KYAT1: variants seen among roughly 807,000 people sequenced by gnomAD.
KYAT1 encodes the protein kynurenine--oxoglutarate transaminase 1.
KYAT1 carries 47 observed loss-of-function variants against 52.4 expected under a neutral mutation model. The ratio of observed to expected loss-of-function variants is 0.90; its 90% CI spans 0.71 to 1.14. KYAT1 has a LOEUF of 1.14. Among genes scored for constraint, KYAT1 ranks in the 50% most tolerant of loss-of-function variants. The pLI is 0.00. For synonymous variants in KYAT1, 212 were observed against 209.6 expected, an observed-to-expected ratio of 1.01 and a Z score of -0.10; for missense variants, 480 against 557.9, an observed-to-expected ratio of 0.86 and a Z score of 1.41.
rs372141213 is a variant in KYAT1 at position 128,838,213 on chromosome 9, C to T, written c.351+5G>A. ...TCCCACTCAGCCCAAGTCTTGCCCA[C>T]TCACCTCGTCTCCTTCGTCCACCAG... is the stretch of plus-strand genomic sequence containing the variant. On this transcript the variant is annotated splice_donor_5th_base_variant and intron_variant, in intron 4 of 12. Transcript: ENST00000302586. 32 of 1,614,112 alleles carry T rather than the reference C, an allele frequency of 2.0e-5. No individual in the cohort carries two copies. Among genetic ancestry groups the T allele is most frequent in the Middle Eastern group, 3.3e-4 (2 of 6,080 alleles).
chr9:128,846,720 G>A (rs1191697094), intron 1 of KYAT1: 3 of 1,534,076 alleles, frequency 2.0e-6, no homozygotes, highest in African/African-American at 1.4e-5. Context: ...GGCTCCTCCT[G>A]TCCTCAGAAT....
chr9:128,840,210 G>T (rs997544508), intron 3 of KYAT1, among the ~76,000 whole-genome samples: 60 of 152,312 alleles, frequency 3.9e-4, no homozygotes, highest in African/African-American at 1.4e-3. Flanking sequence ...GCTAAGGTGG[G>T]AGGATTGCTT....
chr9:128,872,753 G>A (rs1307800821), intron 1 of KYAT1, among the ~76,000 whole-genome samples: 3 of 150,234 alleles, frequency 2.0e-5, no homozygotes, highest in Non-Finnish European at 4.4e-5. Context: ...GGGTGACAGA[G>A]CGAGACTCCG....
At chr9:128,876,253 T>TA (rs112331357) in intron 1 of KYAT1, among the ~76,000 whole-genome samples, 2,232 of 142,502 alleles carry the variant, frequency 0.016, 45 homozygotes, top group African/African-American at 0.053. Flanking sequence ...TCTTTGCTTT[T>TA]AAAAAAAAAA....
At position 128,879,179 on chromosome 9, in the gene KYAT1, G is replaced by C. The variant is rs191880972; in HGVS notation, c.-7+2718C>G. Among the ~76,000 whole-genome samples, 1,121 of 152,242 alleles carry C rather than the reference G, an allele frequency of 7.4e-3. 8 individuals carry two copies. The highest frequency in any genetic ancestry group is 0.019 in the African/African-American group (796 of 41,540). On this transcript the variant is annotated intron_variant, in intron 1 of 12. Transcript: ENST00000302586. Reference sequence around the variant, plus strand: ...CAAAAAATTAGCCAGGCGTGGTGGCGGGTGCCTGTAGTCCCAGCTACTTGG... The same window carrying C: ...CAAAAAATTAGCCAGGCGTGGTGGCCGGTGCCTGTAGTCCCAGCTACTTGG...
rs1239742955 is a variant in KYAT1, at chr9:128,833,498, A to G, written c.*86T>C. 1.0e-5 allele frequency: 14 copies of G among 1,375,820 alleles called. 1 individual carries two copies. In the East Asian group the frequency reaches 1.4e-4, roughly 13 times the overall value. The allele number at this position is 1,375,820 out of a possible 1,614,324, so 85.2% of individuals were successfully genotyped here. Reference sequence around the variant, plus strand: ...CAATAGCATCTTCCCCAACCTAGAAATGTCTGAAACCTGGACAAAGACAGA... The same window carrying G: ...CAATAGCATCTTCCCCAACCTAGAAGTGTCTGAAACCTGGACAAAGACAGA... On this transcript the variant is annotated 3_prime_UTR_variant, in exon 13 of 13. Transcript: ENST00000302586.
In KYAT1 at chr9:128,859,679, C is replaced by T. The variant is rs1481476585; in HGVS notation, c.-6-14268G>A. The stretch of plus-strand genomic sequence containing the variant: ...TTTTTTTTTTTTTGAGACAGAATCT[C>T]GCTCTGTTGCCCAGGCTGGAGCGCA... On this transcript the variant is annotated intron_variant, in intron 1 of 12. Coordinates refer to ENST00000302586, the MANE Select transcript of KYAT1 (RefSeq NM_004059.5). 4.0e-5 allele frequency among the ~76,000 whole-genome samples: 6 copies of T among 150,168 alleles called. No individual in the cohort carries two copies. The South Asian group carries it at 8.6e-4, about 21-fold the overall frequency.
At chr9:128,878,975 C>A (rs1838411118) in intron 1 of KYAT1, among the ~76,000 whole-genome samples, 1 of 152,198 alleles carries the variant, frequency 6.6e-6, no homozygotes. Context: ...AGGCCCCCAG[C>A]TGCAAGCTGG....
At position 128,845,419 on chromosome 9, in the gene KYAT1, C is replaced by T. The variant is rs779318470; in HGVS notation, c.-6-8G>A. The T allele has an allele frequency of 9.9e-6, 16 of 1,613,540 alleles. No homozygotes were observed. Among genetic ancestry groups the T allele is most frequent in the African/African-American group, 4.0e-5 (3 of 75,050 alleles). ...CTGTTTGGCCATGGCGAGCTGGAGA[C>T]GAACAAGTGGAAGGTCAGAGATGGA... On this transcript the variant is annotated splice_region_variant and splice_polypyrimidine_tract_variant and intron_variant, in intron 1 of 12. Transcript: ENST00000302586.
intron 1 of KYAT1, among the ~76,000 whole-genome samples, chr9:128,873,978 G>C (rs1270108584): frequency 6.6e-6 from 1 of 150,602 alleles, no homozygotes; most frequent in Admixed American, 6.6e-5. Context: ...TTCTGAGGCC[G>C]GGCGTGGTGG....
In KYAT1 at chr9:128,833,292, G is replaced by A. The variant is rs970511196; in HGVS notation, c.*292C>T. Reference sequence around the variant, plus strand: ...GGTACATGGTGGAAGTCTACCGTCCGTCTCAGCCAAGCCTGGAGAGACCAG... The same window carrying A: ...GGTACATGGTGGAAGTCTACCGTCCATCTCAGCCAAGCCTGGAGAGACCAG... On this transcript the variant is annotated 3_prime_UTR_variant, in exon 13 of 13. Transcript: ENST00000302586. 1.5e-4 allele frequency: 80 copies of A among 548,176 alleles called. No homozygotes were observed. Among genetic ancestry groups the A allele is most frequent in the Non-Finnish European group, 2.1e-4 (64 of 305,608 alleles). The allele number at this position is 548,176 out of a possible 1,614,324, so 34.0% of individuals were successfully genotyped here.
At chr9:128,861,950 A>G (rs1282602727) in intron 1 of KYAT1, among the ~76,000 whole-genome samples, 1 of 152,108 alleles carries the variant, frequency 6.6e-6, no homozygotes, top group Non-Finnish European at 1.5e-5. Flanking sequence ...ACATCTTGCT[A>G]CTTCTTCTAG....
At chr9:128,834,667 T>C (rs1830683131) in intron 11 of KYAT1, among the ~76,000 whole-genome samples, 1 of 150,330 alleles carries the variant, frequency 6.7e-6, no homozygotes, top group South Asian at 2.1e-4. Context: ...CTACTAAAAA[T>C]ACAAAAATTA....
At chr9:128,864,027 G>T (rs1165975615) in intron 1 of KYAT1, among the ~76,000 whole-genome samples, 1 of 151,694 alleles carries the variant, frequency 6.6e-6, no homozygotes, top group Non-Finnish European at 1.5e-5. Context: ...ACGCTTTCCT[G>T]TGCTAGGTGC....
chr9:128,850,575 C>T (rs571523472), intron 1 of KYAT1, among the ~76,000 whole-genome samples: 1 of 152,286 alleles, frequency 6.6e-6, no homozygotes, highest in East Asian at 1.9e-4. Flanking sequence ...TGGAAAGCCG[C>T]GTATTGTCCG....
chr9:128,882,334 CGGGGCGCCCGGG>C (rs1839078247), upstream of KYAT1: 1 of 176,250 alleles, frequency 5.7e-6, no homozygotes, highest in Admixed American at 6.3e-5. Flanking sequence ...CTGCCCGGCC[CGGGGCGCCCGGG>C]GCATCTGGGG....
At chr9:128,882,019 C>G (rs1383606034), upstream of KYAT1, 1 of 152,266 alleles carries the variant, frequency 6.6e-6, no homozygotes, top group Non-Finnish European at 1.5e-5. Flanking sequence ...AGGGCGCTAG[C>G]GCGGAGGCGA....
At chr9:128,868,242 T>C (rs1564494981) in intron 1 of KYAT1, among the ~76,000 whole-genome samples, 1 of 151,590 alleles carries the variant, frequency 6.6e-6, no homozygotes, top group Non-Finnish European at 1.5e-5. Flanking sequence ...AATGGCACGA[T>C]CTTGATTCAC....
chr9:128,852,797 T>C (rs1393438919), intron 1 of KYAT1, among the ~76,000 whole-genome samples: 4 of 152,262 alleles, frequency 2.6e-5, no homozygotes, highest in Non-Finnish European at 4.4e-5. Flanking sequence ...TCCCTACTTA[T>C]GCCATGTCAA....
Sources: allele counts gnomAD v4.1 joint callset (sites outside exome capture counted in the v4.1 genomes callset), GRCh38; gene constraint gnomAD v4.1.1; transcripts MANE v1.5; gene names NCBI Gene and HGNC (gene_info 2026-07-23, HGNC 2026-07-21).